RDX: variants seen among roughly 807,000 people sequenced by gnomAD.
RDX encodes deafness, autosomal recessive 24.
RDX carries 32 observed loss-of-function variants against 83.7 expected under a neutral mutation model. The ratio of observed to expected loss-of-function variants is 0.38; its 90% CI spans 0.29 to 0.51. RDX has a LOEUF of 0.51. RDX is among the 20% of genes least tolerant of loss of function. RDX has a pLI of 0.87. For missense variants in RDX, 600 were observed against 689.9 expected (o/e 0.87, Z 1.46); for synonymous variants, 229 against 222.7 (o/e 1.03, Z -0.25).
At chr11:110,235,974 C>T in intron 12 of RDX, 125 bp downstream of exon 12, 2 of 724,636 alleles carry the variant, frequency 2.8e-6, no homozygotes, top group Non-Finnish European at 4.9e-6. Context: ...ATTTACAATA[C>T]ACATAACACG....
intron 10 of RDX, among the ~76,000 whole-genome samples, chr11:110,244,582 G>T (rs572936547): frequency 5.1e-4 from 78 of 152,150 alleles, no homozygotes; most frequent in African/African-American, 1.9e-3. Flanking sequence ...AAATGGGAGT[G>T]ACCGCTAATG....
chr11:110,205,719 A>T (rs1863578694), intron 14 of RDX, among the ~76,000 whole-genome samples: 1 of 152,252 alleles, frequency 6.6e-6, no homozygotes, highest in Non-Finnish European at 1.5e-5. Flanking sequence ...AAACCTATCA[A>T]ATCGGCAGAA....
At chr11:110,210,240 C>G (rs188090814) in intron 14 of RDX, among the ~76,000 whole-genome samples, 1 of 118,394 alleles carries the variant, frequency 8.4e-6, no homozygotes. Flanking sequence ...GGGTATCAGC[C>G]ATGGAAGATG....
chr11:110,233,482 G>T lies in RDX; in HGVS notation c.1345-3C>A, dbSNP rs374298854. Reference sequence around the variant, plus strand: ...AAGTCTTCCTGGGCTGCAAAAGCCTGAACATTAAAAATACGTTTATGAGCA... The same window carrying T: ...AAGTCTTCCTGGGCTGCAAAAGCCTTAACATTAAAAATACGTTTATGAGCA... On this transcript the variant is annotated splice_region_variant and splice_polypyrimidine_tract_variant and intron_variant, in intron 12 of 13. Transcript: ENST00000645495. 22 of 1,613,796 alleles carry T rather than the reference G, an allele frequency of 1.4e-5. No homozygotes were observed. In the African/African-American group the frequency reaches 2.1e-4, roughly 16 times the overall value.
chr11:110,251,473 T>G (rs936144950), intron 9 of RDX, among the ~76,000 whole-genome samples: 1 of 152,198 alleles, frequency 6.6e-6, no homozygotes, highest in Non-Finnish European at 1.5e-5. Context: ...ATTATTTTCA[T>G]AGTAAGAGCA....
At chr11:110,233,093 C>G (rs1337028186) in intron 13 of RDX, 144 bp downstream of exon 13, 7 of 956,458 alleles carry the variant, frequency 7.3e-6, no homozygotes, top group Non-Finnish European at 1.1e-5. Context: ...AATGAAATAA[C>G]ATGACTATAG....
chr11:110,274,928 A>C (rs906365728), intron 2 of RDX, among the ~76,000 whole-genome samples: 1 of 152,204 alleles, frequency 6.6e-6, no homozygotes, highest in Non-Finnish European at 1.5e-5. Context: ...GAATATACTC[A>C]GAATTCTTGA....
chr11:110,268,311 G>GAAAAAAAAA (rs1218065501), intron 3 of RDX, among the ~76,000 whole-genome samples: 1 of 131,774 alleles, frequency 7.6e-6, no homozygotes, highest in Non-Finnish European at 1.6e-5. Flanking sequence ...TCTGTTTCGG[G>GAAAAAAAAA]GAAAAAAAAA....
At chr11:110,207,131 G>A (rs1863635211) in intron 14 of RDX, among the ~76,000 whole-genome samples, 1 of 152,006 alleles carries the variant, frequency 6.6e-6, no homozygotes, top group Admixed American at 6.6e-5. Flanking sequence ...GCACTACCAT[G>A]CCCAACTAAG....
chr11:110,223,804 G>A (rs184703940), intron 14 of RDX, among the ~76,000 whole-genome samples: 6 of 152,078 alleles, frequency 3.9e-5, no homozygotes, highest in Non-Finnish European at 8.8e-5. Flanking sequence ...AGTGGCTCAC[G>A]CCTGTAATCC....
At chr11:110,203,806 CTT>C (rs1461347133) in intron 14 of RDX, among the ~76,000 whole-genome samples, 1 of 152,050 alleles carries the variant, frequency 6.6e-6, no homozygotes, top group Non-Finnish European at 1.5e-5. Context: ...TTAAAACCCT[CTT>C]TTTATTTAAA....
At chr11:110,281,849 G>A (rs989921220) in intron 1 of RDX, among the ~76,000 whole-genome samples, 1 of 147,218 alleles carries the variant, frequency 6.8e-6, no homozygotes, top group Non-Finnish European at 1.5e-5. Context: ...GCTCACGTGT[G>A]TAATTCCAGC....
intron 14 of RDX, among the ~76,000 whole-genome samples, chr11:110,217,805 A>T (rs1591519553): frequency 6.6e-6 from 1 of 151,982 alleles, no homozygotes; most frequent in East Asian, 1.9e-4. Flanking sequence ...AACCTCTATA[A>T]CCTTGTCACT....
chr11:110,236,432 G>C (rs1239426532), intron 11 of RDX: 1 of 401,414 alleles, frequency 2.5e-6, no homozygotes, highest in Non-Finnish European at 4.4e-6. Flanking sequence ...CCTGCTTTCA[G>C]TAGCAGGAAC....
chr11:110,238,551 G>A lies in RDX; in HGVS notation c.1091-899C>T, dbSNP rs866849916. ...ATGTCATGAAATTTGAAAGCTAACT[G>A]TAACTTACAAGCTTTTACTTACTGT... On this transcript the variant is annotated intron_variant, in intron 10 of 13. Transcript: ENST00000645495. Among the ~76,000 whole-genome samples the A allele has an allele frequency of 1.6e-4, 24 of 152,264 alleles. No homozygotes were observed. The South Asian group carries it at 3.9e-3, about 25-fold the overall frequency.
At position 110,180,099 on chromosome 11, in the gene RDX, A is replaced by C. The variant is rs1862855901; in HGVS notation, c.*32-4865T>G. On this transcript the variant is annotated intron_variant, in intron 15 of 15. Coordinates refer to the RDX transcript ENST00000528498. ...GTATTTTTAGTAGTGAAGGGGTTTC[A>C]CCATGTTGGCCAGGCTGGTCTCGAA... 2.6e-5 allele frequency among the ~76,000 whole-genome samples: 4 copies of C among 151,766 alleles called. No homozygotes were observed. In the South Asian group the frequency reaches 6.2e-4, roughly 24 times the overall value.
chr11:110,262,737 G>T (rs1363458199), intron 5 of RDX, among the ~76,000 whole-genome samples: 1 of 152,198 alleles, frequency 6.6e-6, no homozygotes, highest in African/African-American at 2.4e-5. Flanking sequence ...AAGGTAGCCA[G>T]AGAAGGATTA....
intron 14 of RDX, among the ~76,000 whole-genome samples, chr11:110,206,256 C>CAAAAAAA (rs3040335): frequency 1.8e-5 from 2 of 110,192 alleles, no homozygotes; most frequent in Non-Finnish European, 1.8e-5. Context: ...GAGTCCATCT[C>CAAAAAAA]AAAAAAAAAA....
rs374637454 is a variant in RDX, at chr11:110,206,292, A to T, written c.1749-6614T>A. Among the ~76,000 whole-genome samples, 46 of 151,430 alleles carry T rather than the reference A, an allele frequency of 3.0e-4. No homozygotes were observed. In the East Asian group the frequency reaches 8.3e-3, roughly 27 times the overall value. ...AAAAAAAAATACTGGTAACAATCCA[A>T]ATGTCCACCATTGGGGGAACTGATA... On this transcript the variant is annotated intron_variant, in intron 14 of 15. Coordinates refer to the RDX transcript ENST00000528498.
Sources: gnomAD v4.1 joint callset for allele counts (sites outside exome capture counted in the v4.1 genomes callset) on GRCh38, gnomAD v4.1.1 for gene constraint, MANE v1.5 for transcripts, NCBI Gene and HGNC (gene_info 2026-07-23, HGNC 2026-07-21) for gene names.